ARHGEF19: variants seen among roughly 807,000 people sequenced by gnomAD.
The protein encoded by ARHGEF19 is Rho guanine nucleotide exchange factor (GEF) 19.
Under a neutral mutation model 87.6 loss-of-function variants are expected in ARHGEF19, and 92 were observed. The ratio of observed to expected loss-of-function variants is 1.05; its 90% confidence interval spans 0.89 to 1.25. ARHGEF19 has a LOEUF of 1.25. Ranked by LOEUF, ARHGEF19 falls within the 50% of genes most tolerant of loss-of-function variation. The pLI, the probability that ARHGEF19 is intolerant of heterozygous loss-of-function variation, is 0.00. For synonymous variants in ARHGEF19, 438 were observed against 446.2 expected, an observed-to-expected ratio of 0.98 and a Z score of 0.23; for missense variants, 1,054 against 1,051.8, an observed-to-expected ratio of 1.00 and a Z score of -0.03.
chr1:16,198,556 T>C lies in ARHGEF19; in HGVS notation c.*31A>G, dbSNP rs1443283549. On this transcript the variant is annotated 3_prime_UTR_variant, in exon 16 of 16. Coordinates refer to ENST00000270747, the MANE Select transcript of ARHGEF19 (RefSeq NM_153213.5). The surrounding 1 kb of genome is among the most constrained non-coding windows in gnomAD (Gnocchi z 4.1). ...TCCAGGACCATCCAGGAGCCAGGCA[T>C]GGAGGTGGGGTCCTAGGCCATGGCT... 3.8e-6 allele frequency: 6 copies of C among 1,571,590 alleles called. No homozygotes were observed. The highest frequency in any genetic ancestry group is 5.2e-6 in the Non-Finnish European group (6 of 1,157,100).
Position 16,205,040 on chromosome 1 carries a change from A to C in ARHGEF19, c.1746+47T>G, listed in dbSNP as rs777234588. The C allele has an allele frequency of 1.3e-6, 2 of 1,568,076 alleles. No homozygotes were observed. Among genetic ancestry groups the C allele is most frequent in the Non-Finnish European group, 8.7e-7 (1 of 1,155,974 alleles). The stretch of plus-strand genomic sequence containing the variant: ...GAAGCCCCCAGGGCAAGGAAGAAAC[A>C]AGAGCTGCCCCTTGGGGTCCCCATC... On this transcript the variant is annotated intron_variant, in intron 11 of 15. Transcript: ENST00000270747. This position sits in a 1 kb window ranked among gnomAD's most constrained non-coding sequence, Gnocchi z 5.8.
intron 1 of ARHGEF19, among the ~76,000 whole-genome samples, chr1:16,211,286 C>G (rs1283157215): frequency 6.6e-6 from 1 of 151,994 alleles, no homozygotes; most frequent in Non-Finnish European, 1.5e-5. Context: ...AGACGGGTCT[C>G]TTTCTCTGCA....
rs190296537 is a variant in ARHGEF19, at chr1:16,210,911, G to T, written c.-30+1591C>A. 3.3e-3 allele frequency among the ~76,000 whole-genome samples: 496 copies of T among 152,292 alleles called. 3 individuals carry two copies. The highest frequency in any genetic ancestry group is 5.6e-3 in the Non-Finnish European group (383 of 68,016). On this transcript the variant is annotated intron_variant, in intron 1 of 15. Coordinates refer to ENST00000270747, the MANE Select transcript of ARHGEF19 (RefSeq NM_153213.5). ...GGAGAAGAGGACCCAGCGAGAGATG[G>T]CTGGGTCTATGGCAGGCCCCAGTCT...
chr1:16,205,104 T>C lies in ARHGEF19; in HGVS notation c.1729A>G (p.Ile577Val). The C allele has an allele frequency of 6.2e-7, 1 of 1,605,116 alleles. No homozygotes were observed. Among genetic ancestry groups the C allele is most frequent in the Non-Finnish European group, 8.5e-7 (1 of 1,175,886 alleles). The change falls in exon 11 of 16, where the codon ATC (isoleucine) becomes GTC (valine). Residue 577 changes from isoleucine (I) to valine (V), a missense_variant. Coordinates refer to ENST00000270747, the MANE Select transcript of ARHGEF19 (RefSeq NM_153213.5). This position sits in a 1 kb window ranked among gnomAD's most constrained non-coding sequence, Gnocchi z 5.8. ...ACACACACCTTGCCCTCAAAGTGGATCTTCTTGCTCAGGTGGATGAGTTCC... is the reference window on the plus strand; with the variant it reads ...ACACACACCTTGCCCTCAAAGTGGACCTTCTTGCTCAGGTGGATGAGTTCC... ...TEELIHLSKKIHFEGKIFPLI... is the reference protein window; with the variant it reads ...TEELIHLSKKVHFEGKIFPLI...
chr1:16,207,737 G>A lies in ARHGEF19; in HGVS notation c.735C>T (p.Ser245=), dbSNP rs1223907787. 1 of 1,613,948 alleles carries A rather than the reference G, an allele frequency of 6.2e-7. No individual in the cohort carries two copies. The highest frequency in any genetic ancestry group is 8.5e-7 in the Non-Finnish European group (1 of 1,180,010). ...SGMEARSVEM[S]GDRVSRPAPG... ...GGGCTGGCCGCGACACCCGGTCCCC[G>A]CTCATCTCTACACTTCGAGCCTCCA... Residue 245 remains serine (S), a synonymous_variant, in exon 4 of 16, where the codon AGC becomes AGT. Coordinates refer to ENST00000270747, the MANE Select transcript of ARHGEF19 (RefSeq NM_153213.5). The surrounding 1 kb of genome is among the most constrained non-coding windows in gnomAD (Gnocchi z 4.0).
chr1:16,205,378 G>A lies in ARHGEF19; in HGVS notation c.1629C>T (p.Ala543=). 6.2e-7 allele frequency: 1 copy of A among 1,613,564 alleles called. No homozygotes were observed. Among genetic ancestry groups the A allele is most frequent in the Non-Finnish European group, 8.5e-7 (1 of 1,179,638 alleles). The change falls in exon 10 of 16, where the codon GCC becomes GCT. Residue 543 remains alanine (A), a synonymous_variant. Coordinates refer to ENST00000270747, the MANE Select transcript of ARHGEF19 (RefSeq NM_153213.5). This position sits in a 1 kb window ranked among gnomAD's most constrained non-coding sequence, Gnocchi z 5.8. ...TAQGSEDEDM[A]TKAFNALKEL... The stretch of plus-strand genomic sequence containing the variant: ...CCTTGAGCGCATTGAAGGCCTTGGT[G>A]GCCATGTCTTCGTCTTCAGAGCCCT...
intron 1 of ARHGEF19, among the ~76,000 whole-genome samples, chr1:16,210,653 T>C (rs1463316071): frequency 3.9e-5 from 6 of 152,330 alleles, no homozygotes; most frequent in Middle Eastern, 3.4e-3. Flanking sequence ...GCCCGTGGGC[T>C]GCCAGTCTAG....
In ARHGEF19 at chr1:16,207,161, C is replaced by T; in HGVS notation, c.924G>A (p.Arg308=). The T allele has an allele frequency of 2.6e-6, 4 of 1,530,740 alleles. No homozygotes were observed. Among genetic ancestry groups the T allele is most frequent in the Non-Finnish European group, 3.5e-6 (4 of 1,142,698 alleles). 94.8% of individuals were successfully genotyped at this position (1,530,740 alleles called of 1,614,324 possible). A position where few individuals can be genotyped will look rare whatever the true frequency, so the allele number is the denominator to read the frequency against. Residue 308 remains arginine (R), a synonymous_variant, in exon 6 of 16, where the codon CGG becomes CGA. Transcript: ENST00000270747. This position sits in a 1 kb window ranked among gnomAD's most constrained non-coding sequence, Gnocchi z 4.0. The part of the protein sequence containing the change: ...YSDVASAREL[R]RQQREEEGPG... ...GGCCCTCCTCCTCGCGCTGCTGCCG[C>T]CGCAGTTCGCGGGCGCTGGCCACGT...
chr1:16,210,928 C>T (rs1450889186), intron 1 of ARHGEF19, among the ~76,000 whole-genome samples: 3 of 152,210 alleles, frequency 2.0e-5, no homozygotes, highest in East Asian at 3.9e-4. Context: ...CTATGGCAGG[C>T]CCCAGTCTCT....
At position 16,207,893 on chromosome 1, in the gene ARHGEF19, A is replaced by ACCCCCCC; in HGVS notation, c.694+50_694+51insGGGGGGG. On this transcript the variant is annotated intron_variant, in intron 3 of 15. Coordinates refer to ENST00000270747, the MANE Select transcript of ARHGEF19 (RefSeq NM_153213.5). The surrounding 1 kb of genome is among the most constrained non-coding windows in gnomAD (Gnocchi z 4.0). ...CGGTGAGTGGGCATCGCCCACCCCC[A>ACCCCCCC]CCCCCACCCGGCATCTGGCTGCCCT... 3.6e-5 allele frequency: 24 copies of ACCCCCCC among 662,788 alleles called. No individual in the cohort carries two copies. The highest frequency in any genetic ancestry group is 1.6e-4 in the South Asian group (7 of 43,964). The allele number at this position is 662,788 out of a possible 1,614,324, so 41.1% of individuals were successfully genotyped here.
At position 16,206,761 on chromosome 1, in the gene ARHGEF19, GGCTT is replaced by G. The variant is rs1237117096; in HGVS notation, c.1137+183_1137+186del. Among the ~76,000 whole-genome samples the G allele has an allele frequency of 1.3e-5, 2 of 151,586 alleles. No individual in the cohort carries two copies. Among genetic ancestry groups the G allele is most frequent in the Non-Finnish European group, 2.9e-5 (2 of 67,912 alleles). On this transcript the variant is annotated intron_variant, in intron 6 of 15. Coordinates refer to ENST00000270747, the MANE Select transcript of ARHGEF19 (RefSeq NM_153213.5). This position sits in a 1 kb window ranked among gnomAD's most constrained non-coding sequence, Gnocchi z 4.6. ...CGGCTCCCCTCGCCTCTCGCTCAGC[GGCTT>G]GCTGTCCTCGCTTCCAGACGGCCTC... is the stretch of plus-strand genomic sequence containing the variant.
chr1:16,209,770 G>A (rs2081181685), intron 1 of ARHGEF19, among the ~76,000 whole-genome samples: 2 of 152,210 alleles, frequency 1.3e-5, no homozygotes. Flanking sequence ...TTGCTCTGAT[G>A]TTTCTCCCCC....
intron 1 of ARHGEF19, among the ~76,000 whole-genome samples, chr1:16,209,406 G>T (rs577153066): frequency 1.1e-4 from 17 of 152,266 alleles, no homozygotes; most frequent in African/African-American, 3.4e-4. Flanking sequence ...ATTCTAACCT[G>T]GCCGTTCTAG....
Position 16,206,433 on chromosome 1 carries a change from C to G in ARHGEF19, c.1138-93G>C. On this transcript the variant is annotated intron_variant, in intron 6 of 15. Coordinates refer to ENST00000270747, the MANE Select transcript of ARHGEF19 (RefSeq NM_153213.5). The surrounding 1 kb of genome is among the most constrained non-coding windows in gnomAD (Gnocchi z 4.6). ...CCCCAGACCCCAGGACGCCACACCTCGCGTCCTCGCCCCTTCTCTAGCCCC... is the reference window on the plus strand; with the variant it reads ...CCCCAGACCCCAGGACGCCACACCTGGCGTCCTCGCCCCTTCTCTAGCCCC... 6.5e-6 allele frequency: 9 copies of G among 1,381,448 alleles called. No homozygotes were observed. Among genetic ancestry groups the G allele is most frequent in the South Asian group, 1.3e-5 (1 of 79,690 alleles). The allele number at this position is 1,381,448 out of a possible 1,614,324, so 85.6% of individuals were successfully genotyped here.
Position 16,207,888 on chromosome 1 carries a change from C to T in ARHGEF19, c.694+56G>A, listed in dbSNP as rs2081160273. 2 of 1,403,396 alleles carry T rather than the reference C, an allele frequency of 1.4e-6. No individual in the cohort carries two copies. Among genetic ancestry groups the T allele is most frequent in the African/African-American group, 2.9e-5 (2 of 68,928 alleles). The allele number at this position is 1,403,396 out of a possible 1,614,324, so 86.9% of individuals were successfully genotyped here. A position where few individuals can be genotyped will look rare whatever the true frequency, so the allele number is the denominator to read the frequency against. On this transcript the variant is annotated intron_variant, in intron 3 of 15. Coordinates refer to ENST00000270747, the MANE Select transcript of ARHGEF19 (RefSeq NM_153213.5). This position sits in a 1 kb window ranked among gnomAD's most constrained non-coding sequence, Gnocchi z 4.0. Reference sequence around the variant, plus strand: ...GCGGCCGGTGAGTGGGCATCGCCCACCCCCACCCCCACCCGGCATCTGGCT... The same window carrying T: ...GCGGCCGGTGAGTGGGCATCGCCCATCCCCACCCCCACCCGGCATCTGGCT...
rs1455006580 is a variant in ARHGEF19, at chr1:16,206,895, A to C, written c.1137+53T>G. The C allele has an allele frequency of 8.6e-6, 12 of 1,396,244 alleles. 1 individual carries two copies. In the African/African-American group the frequency reaches 1.1e-4, roughly 13 times the overall value. 86.5% of individuals were successfully genotyped at this position (1,396,244 alleles called of 1,614,324 possible). A position where few individuals can be genotyped will look rare whatever the true frequency, so the allele number is the denominator to read the frequency against. ...GGCCCGGTTCCCGCTAAGTCCCCGG[A>C]CCGCGTACTCCCCGGCCCGCCCCCG... On this transcript the variant is annotated intron_variant, in intron 6 of 15. Coordinates refer to ENST00000270747, the MANE Select transcript of ARHGEF19 (RefSeq NM_153213.5). The surrounding 1 kb of genome is among the most constrained non-coding windows in gnomAD (Gnocchi z 4.6).
chr1:16,211,015 G>A lies in ARHGEF19; in HGVS notation c.-30+1487C>T, dbSNP rs577566153. 1.4e-3 allele frequency among the ~76,000 whole-genome samples: 210 copies of A among 152,230 alleles called. 1 individual carries two copies. Among genetic ancestry groups the A allele is most frequent in the African/African-American group, 4.9e-3 (204 of 41,526 alleles). On this transcript the variant is annotated intron_variant, in intron 1 of 15. Coordinates refer to ENST00000270747, the MANE Select transcript of ARHGEF19 (RefSeq NM_153213.5). The stretch of plus-strand genomic sequence containing the variant: ...GAGGGTGGGAAGAAGGGGACTGGCT[G>A]CTCCAAAGGGGTCCTCTCTACGGTG...
At position 16,209,489 on chromosome 1, in the gene ARHGEF19, C is replaced by T. The variant is rs187159155; in HGVS notation, c.-29-406G>A. Among the ~76,000 whole-genome samples, 488 of 152,336 alleles carry T rather than the reference C, an allele frequency of 3.2e-3. 2 individuals are homozygous for T. The highest frequency in any genetic ancestry group is 4.9e-3 in the Non-Finnish European group (334 of 68,022). On this transcript the variant is annotated intron_variant, in intron 1 of 15. Coordinates refer to ENST00000270747, the MANE Select transcript of ARHGEF19 (RefSeq NM_153213.5). Reference sequence around the variant, plus strand: ...TGACATGTCACCAGACATGCAAATACATACATTGTCACACAAATCCATTTC... The same window carrying T: ...TGACATGTCACCAGACATGCAAATATATACATTGTCACACAAATCCATTTC...
Position 16,202,446 on chromosome 1 carries a change from T to A in ARHGEF19, c.2036A>T (p.Lys679Met). Residue 679 changes from lysine (K) to methionine (M), a missense_variant, in exon 13 of 16, where the codon AAG (lysine) becomes ATG (methionine). Transcript: ENST00000270747. ...CCGGGCCCGCAGCAGGAACTGGTGC[T>A]TCATGTGCTGCCCGTGGAGGAGCTG... is the stretch of plus-strand genomic sequence containing the variant. ...LLQLLHGQHMKHQFLLRARTE... is the reference protein window; with the variant it reads ...LLQLLHGQHMMHQFLLRARTE... The A allele has an allele frequency of 6.2e-7, 1 of 1,614,082 alleles. No homozygotes were observed. The highest frequency in any genetic ancestry group is 1.1e-5 in the South Asian group (1 of 91,084).
Sources: allele counts gnomAD v4.1 joint callset (sites outside exome capture counted in the v4.1 genomes callset), GRCh38; gene constraint gnomAD v4.1.1; non-coding constraint Gnocchi (gnomAD v3.1); transcripts MANE v1.5; gene names NCBI Gene and HGNC (gene_info 2026-07-23, HGNC 2026-07-21).